The following JMJD1C variants were observed in gnomAD, a reference collection of about 807,000 sequenced individuals.
JMJD1C encodes the protein jumonji domain containing 1C, also known as jumonji domain-containing protein 1C.
Under a neutral mutation model 245.3 loss-of-function variants are expected in JMJD1C, and 31 were observed. That is an observed-to-expected ratio of 0.13 (90% confidence interval 0.09 to 0.17). The LOEUF is 0.17. Among genes scored for constraint, JMJD1C ranks in the 10% least tolerant of loss-of-function variants. JMJD1C has a pLI of 1.00. For missense variants in JMJD1C, 2,691 were observed against 3,000.2 expected, an observed-to-expected ratio of 0.90 and a Z score of 2.41; for synonymous variants, 1,057 against 1,017.4, an observed-to-expected ratio of 1.04 and a Z score of -0.74.
intron 2 of JMJD1C, among the ~76,000 whole-genome samples, chr10:63,366,736 ACAAT>A (rs1252827371): frequency 6.6e-6 from 1 of 152,238 alleles, no homozygotes; most frequent in Admixed American, 6.5e-5. Flanking sequence ...CAGCTGTATT[ACAAT>A]CAATTAGTAG....
chr10:63,421,673 T>C (rs187997150), intron 1 of JMJD1C, among the ~76,000 whole-genome samples: 2 of 152,324 alleles, frequency 1.3e-5, no homozygotes, highest in East Asian at 1.9e-4. Flanking sequence ...TTTAAGGAGA[T>C]AATTAAGAAT....
At chr10:63,500,798 C>CAGAT (rs1435983080) in intron 1 of JMJD1C, among the ~76,000 whole-genome samples, 4 of 69,706 alleles carry the variant, frequency 5.7e-5, no homozygotes, top group Non-Finnish European at 1.2e-4. Flanking sequence ...GATGGATGCA[C>CAGAT]GGATGCATGG....
intron 1 of JMJD1C, among the ~76,000 whole-genome samples, chr10:63,391,258 C>T (rs908272550): frequency 1.7e-4 from 26 of 152,124 alleles, no homozygotes; most frequent in African/African-American, 6.3e-4. Flanking sequence ...TGCCTGTAAT[C>T]CCAGCACTTT....
intron 2 of JMJD1C, among the ~76,000 whole-genome samples, chr10:63,281,677 A>G (rs931268915): frequency 2.6e-5 from 4 of 151,126 alleles, no homozygotes; most frequent in Non-Finnish European, 5.9e-5. Context: ...TCACCATGTT[A>G]GCCAGGATGG....
chr10:63,208,353 G>A lies in JMJD1C; in HGVS notation c.3316C>T (p.Pro1106Ser). ...TLSNSVVNEP[P>S]RSYPSKEVSN... ...ACTTCTTTGGATGGGTATGATCTTG[G>A]TGGTTCATTGACCACACTATTAGAC... The change falls in exon 10 of 26, where the codon CCA (proline) becomes TCA (serine). Residue 1106 changes from proline to serine, a missense_variant. Coordinates refer to ENST00000399262, the MANE Select transcript of JMJD1C (RefSeq NM_032776.3). 6.2e-7 allele frequency: 1 copy of A among 1,613,984 alleles called. No homozygotes were observed. Among genetic ancestry groups the A allele is most frequent in the African/African-American group, 1.3e-5 (1 of 75,020 alleles).
At chr10:63,236,990 T>C (rs544164228) in intron 3 of JMJD1C, among the ~76,000 whole-genome samples, 61 of 202 alleles carry the variant, frequency 0.3, no homozygotes, top group East Asian at 0.5. Context: ...AGTATACATA[T>C]ACATCGTGTC....
chr10:63,227,936 T>C (rs1391405300), intron 3 of JMJD1C, among the ~76,000 whole-genome samples: 2 of 152,178 alleles, frequency 1.3e-5, no homozygotes, highest in Admixed American at 6.5e-5. Context: ...TTTTAACTTA[T>C]ACAAGAATCC....
rs1230228004 is a variant in JMJD1C, at chr10:63,460,775, C to A, written c.168+4720G>T. ...AAAATAGCCTGTATGCTTTCAATTA[C>A]ATTGAAATATCTAGTTAACATTTTT... On this transcript the variant is annotated intron_variant, in intron 1 of 25. Coordinates refer to ENST00000399262, the MANE Select transcript of JMJD1C (RefSeq NM_032776.3). 3.3e-5 allele frequency among the ~76,000 whole-genome samples: 5 copies of A among 152,096 alleles called. No individual in the cohort carries two copies. In the South Asian group the frequency reaches 1.0e-3, roughly 31 times the overall value.
At chr10:63,520,256 C>T (rs1204949427) in intron 1 of JMJD1C, among the ~76,000 whole-genome samples, 1 of 152,126 alleles carries the variant, frequency 6.6e-6, no homozygotes, top group East Asian at 1.9e-4. Flanking sequence ...CCTTGAAAGG[C>T]AAGAGACAGA....
At chr10:63,342,076 T>C (rs1017483498) in intron 2 of JMJD1C, among the ~76,000 whole-genome samples, 2 of 152,216 alleles carry the variant, frequency 1.3e-5, no homozygotes, top group Non-Finnish European at 1.5e-5. Flanking sequence ...CCTTCTTACA[T>C]ATGCAAAACA....
In JMJD1C at chr10:63,427,897, A is replaced by G. The variant is rs994235372; in HGVS notation, c.168+37598T>C. ...GGCACTGGCAGCTACAGAGAAGGCAAGGACCTCACCAGCAAGGCAGCCACC... is the reference window on the plus strand; with the variant it reads ...GGCACTGGCAGCTACAGAGAAGGCAGGGACCTCACCAGCAAGGCAGCCACC... On this transcript the variant is annotated intron_variant, in intron 1 of 25. Coordinates refer to ENST00000399262, the MANE Select transcript of JMJD1C (RefSeq NM_032776.3). 5.3e-6 allele frequency: 4 copies of G among 748,964 alleles called. No homozygotes were observed. The African/African-American group carries it at 6.9e-5, about 13-fold the overall frequency. The allele number at this position is 748,964 out of a possible 1,614,324, so 46.4% of individuals were successfully genotyped here.
chr10:63,446,063 C>CA (rs928916655), intron 1 of JMJD1C, among the ~76,000 whole-genome samples: 4 of 151,370 alleles, frequency 2.6e-5, no homozygotes, highest in African/African-American at 9.7e-5. Context: ...TTTTAGTAGA[C>CA]AGAGTTTTGC....
chr10:63,299,357 A>ATTTTT lies in JMJD1C; in HGVS notation c.334-34598_334-34594dup, dbSNP rs59878158. Among the ~76,000 whole-genome samples, 28 of 135,812 alleles carry ATTTTT rather than the reference A, an allele frequency of 2.1e-4. 2 individuals are homozygous for ATTTTT. Among genetic ancestry groups the ATTTTT allele is most frequent in the Non-Finnish European group, 3.6e-4 (23 of 64,316 alleles). The allele number at this position is 135,812 out of a possible 152,430, so 89.1% of individuals were successfully genotyped here. Reference sequence around the variant, plus strand: ...GCCACCACACCCAGCTAATTTTTCCATTTTTTTTTTTTTTTGTAGAGATGA... The same window carrying ATTTTT: ...GCCACCACACCCAGCTAATTTTTCCATTTTTTTTTTTTTTTTTTTTGTAGAGATGA... On this transcript the variant is annotated intron_variant, in intron 2 of 25. Coordinates refer to ENST00000399262, the MANE Select transcript of JMJD1C (RefSeq NM_032776.3).
At chr10:63,311,074 A>G (rs1181690674) in intron 2 of JMJD1C, among the ~76,000 whole-genome samples, 1 of 152,134 alleles carries the variant, frequency 6.6e-6, no homozygotes, top group Admixed American at 6.6e-5. Context: ...GGTATGATCT[A>G]AACTCAGTAA....
chr10:63,230,264 C>G (rs1849796600), intron 3 of JMJD1C, among the ~76,000 whole-genome samples: 1 of 152,040 alleles, frequency 6.6e-6, no homozygotes, highest in Admixed American at 6.6e-5. Context: ...CCCAGCTACT[C>G]AGGAGGCTGA....
intron 2 of JMJD1C, among the ~76,000 whole-genome samples, chr10:63,313,195 G>C (rs9415689): frequency 6.6e-6 from 1 of 152,134 alleles, no homozygotes; most frequent in African/African-American, 2.4e-5. Context: ...GAGAACATAC[G>C]ATGTTTGGTT....
intron 1 of JMJD1C, among the ~76,000 whole-genome samples, chr10:63,454,815 T>C (rs1464821053): frequency 6.6e-6 from 1 of 152,226 alleles, no homozygotes; most frequent in East Asian, 1.9e-4. Context: ...ATAATGAATA[T>C]GGCTGACTGT....
chr10:63,273,653 T>C (rs999728991), intron 2 of JMJD1C, among the ~76,000 whole-genome samples: 1 of 152,162 alleles, frequency 6.6e-6, no homozygotes, highest in African/African-American at 2.4e-5. Flanking sequence ...TTTCTTTTTG[T>C]TGGGAGGTGA....
At chr10:63,459,717 G>A (rs966135718) in intron 1 of JMJD1C, among the ~76,000 whole-genome samples, 1 of 152,098 alleles carries the variant, frequency 6.6e-6, no homozygotes, top group African/African-American at 2.4e-5. Flanking sequence ...AGAAAATGCT[G>A]CTTTCATTAT....
Sources: allele counts gnomAD v4.1 joint callset (sites outside exome capture counted in the v4.1 genomes callset), GRCh38; gene constraint gnomAD v4.1.1; transcripts MANE v1.5; gene names NCBI Gene and HGNC (gene_info 2026-07-23, HGNC 2026-07-21).